The following TXLNG variants were observed in gnomAD, a reference collection of about 807,000 sequenced individuals.
TXLNG encodes taxilin gamma.
In TXLNG, 5 loss-of-function variants were observed where a neutral mutation model predicts 38.8. The ratio of observed to expected loss-of-function variants is 0.13; its 90% CI spans 0.07 to 0.27. TXLNG has a LOEUF of 0.27. Among genes scored for constraint, TXLNG ranks in the 10% least tolerant of loss-of-function variants. TXLNG has a pLI of 1.00. For synonymous variants in TXLNG, 182 were observed against 158.2 expected (o/e 1.15, Z -1.13); for missense variants, 393 against 398.2 (o/e 0.99, Z 0.11).
Position 16,808,789 on chromosome X carries a change from G to A in TXLNG, c.103-9785G>A, listed in dbSNP as rs529412076. Among the ~76,000 whole-genome samples, 18 of 111,313 alleles carry A rather than the reference G, an allele frequency of 1.6e-4. No homozygotes were observed. In the South Asian group the frequency reaches 6.8e-3, roughly 42 times the overall value. On this transcript the variant is annotated intron_variant, in intron 1 of 9. Transcript: ENST00000380122. ...TTATTCATCCGGTCTATTATTTATT[G>A]ATATTTAGGATATTTCTGAATTTTT...
Position 16,842,985 on chromosome X carries a change from A to ATAAC in TXLNG, c.*1221_*1224dup, listed in dbSNP as rs1393332688. 8.9e-6 allele frequency: 1 copy of ATAAC among 112,536 alleles called. No individual in the cohort carries two copies. The highest frequency in any genetic ancestry group is 3.2e-5 in the African/African-American group (1 of 30,975). 9.3% of individuals were successfully genotyped at this position (112,536 alleles called of 1,213,427 possible). On this transcript the variant is annotated 3_prime_UTR_variant, in exon 10 of 10. Coordinates refer to ENST00000380122, the MANE Select transcript of TXLNG (RefSeq NM_018360.3). ...TGGGGGAAAATTTGAAATTAAGCAC[A>ATAAC]TAACTTTTGAATTAGTTCTTTGTTT...
At chrX:16,809,312 A>G (rs1269754673) in intron 1 of TXLNG, among the ~76,000 whole-genome samples, 1 of 97,491 alleles carries the variant, frequency 1.0e-5, no homozygotes, top group Non-Finnish European at 2.1e-5. Flanking sequence ...GTGTTGTCGA[A>G]GTTTTTGATG....
In TXLNG at chrX:16,818,661, C is replaced by A. The variant is rs762362210; in HGVS notation, c.190C>A (p.Leu64Ile). ...MLCNSQSNDI[L>I]QHQGSNCGGT... ...GTGTAACTCTCAATCAAATGATATT[C>A]TTCAACATCAAGGCTCAAATTGTGG... Residue 64 changes from leucine (L) to isoleucine (I), a missense_variant, in exon 2 of 10, where the codon CTT becomes ATT. Physicochemically the swap from Leu to Ile is conservative, Grantham distance 5. Coordinates refer to ENST00000380122, the MANE Select transcript of TXLNG (RefSeq NM_018360.3). 2 of 1,211,660 alleles carry A rather than the reference C, an allele frequency of 1.7e-6. No individual in the cohort carries two copies. Among genetic ancestry groups the A allele is most frequent in the Non-Finnish European group, 2.2e-6 (2 of 895,343 alleles).
chrX:16,839,740 CAG>C (rs1262387368), intron 8 of TXLNG, 79 bp from the exon 9 acceptor site: 2 of 705,696 alleles, frequency 2.8e-6, no homozygotes, highest in Non-Finnish European at 4.2e-6. Flanking sequence ...GGGAGGGGCA[CAG>C]AAACATTTTT....
intron 9 of TXLNG, 77 bp downstream of exon 9, chrX:16,839,993 G>C (rs375173420): frequency 3.2e-5 from 25 of 784,362 alleles, no homozygotes; most frequent in East Asian, 2.7e-4. Flanking sequence ...TCGGGGCCGG[G>C]GACGTGTGCT....
chrX:16,809,816 C>T (rs950027539), intron 1 of TXLNG, among the ~76,000 whole-genome samples: 1 of 111,647 alleles, frequency 9.0e-6, no homozygotes, highest in Non-Finnish European at 1.9e-5. Context: ...ATATATAGTG[C>T]GTATACAAAA....
intron 7 of TXLNG, among the ~76,000 whole-genome samples, chrX:16,835,425 A>G (rs909485287): frequency 1.8e-5 from 2 of 111,938 alleles, no homozygotes; most frequent in Admixed American, 9.5e-5. Flanking sequence ...GGAACCGAAG[A>G]TCATGCCAGA....
At chrX:16,814,010 C>T (rs760379984) in intron 1 of TXLNG, among the ~76,000 whole-genome samples, 17 of 110,867 alleles carry the variant, frequency 1.5e-4, no homozygotes, top group African/African-American at 5.3e-4. Flanking sequence ...GGCGTGAACC[C>T]GGGAGATGGA....
chrX:16,839,975 G>T, intron 9 of TXLNG, 59 bp downstream of exon 9: 1 of 896,397 alleles, frequency 1.1e-6, no homozygotes, highest in Non-Finnish European at 1.6e-6. Context: ...CTTGAGTTCA[G>T]GTACCTATCG....
At chrX:16,822,994 G>T (rs1298956050) in intron 3 of TXLNG, among the ~76,000 whole-genome samples, 2 of 111,505 alleles carry the variant, frequency 1.8e-5, no homozygotes. Flanking sequence ...TTGTGGATAA[G>T]GTTATTGCTA....
At chrX:16,804,026 C>T (rs141764404) in intron 1 of TXLNG, among the ~76,000 whole-genome samples, 211 of 111,618 alleles carry the variant, frequency 1.9e-3, no homozygotes, top group African/African-American at 6.5e-3. Flanking sequence ...TAAATTAAGG[C>T]AGAGCCAAGA....
chrX:16,791,022 G>A (rs1394261275), intron 1 of TXLNG, among the ~76,000 whole-genome samples: 1 of 112,045 alleles, frequency 8.9e-6, no homozygotes, highest in Non-Finnish European at 1.9e-5. Context: ...CTGTAAAGAG[G>A]GGATAATGCT....
intron 1 of TXLNG, among the ~76,000 whole-genome samples, chrX:16,794,185 T>C (rs766370338): frequency 8.9e-6 from 1 of 111,998 alleles, no homozygotes. Context: ...CCATATTTCG[T>C]ATCTCTCATG....
At chrX:16,792,124 A>T (rs953459884) in intron 1 of TXLNG, among the ~76,000 whole-genome samples, 1 of 112,008 alleles carries the variant, frequency 8.9e-6, no homozygotes, top group Non-Finnish European at 1.9e-5. Flanking sequence ...TGTTTCATGC[A>T]CTGTGTTAGT....
chrX:16,817,807 T>A (rs1928799967), intron 1 of TXLNG, among the ~76,000 whole-genome samples: 1 of 112,462 alleles, frequency 8.9e-6, no homozygotes, highest in African/African-American at 3.2e-5. Flanking sequence ...AAAATTTCCA[T>A]GGCTTAGCAT....
Position 16,841,723 on chromosome X carries a change from C to T in TXLNG, c.1544C>T (p.Pro515Leu). 8.3e-7 allele frequency: 1 copy of T among 1,211,646 alleles called. No individual in the cohort carries two copies. Among genetic ancestry groups the T allele is most frequent in the Non-Finnish European group, 1.1e-6 (1 of 895,469 alleles). Residue 515 changes from proline to leucine, a missense_variant, in exon 10 of 10, where the codon CCC (proline) becomes CTC (leucine). By Grantham distance (98) the Pro-to-Leu change is moderately conservative (BLOSUM62 -3). Coordinates refer to ENST00000380122, the MANE Select transcript of TXLNG (RefSeq NM_018360.3). ...AGTCAGAGAAGCGCTGTGCAAAAGCCCCCGTCCACAGGCTCTGCTCCGGCC... is the reference window on the plus strand; with the variant it reads ...AGTCAGAGAAGCGCTGTGCAAAAGCTCCCGTCCACAGGCTCTGCTCCGGCC... Reference protein sequence around the residue: ...PKSQRSAVQKPPSTGSAPAIE... With the variant: ...PKSQRSAVQKLPSTGSAPAIE...
chrX:16,837,440 T>G, intron 7 of TXLNG, among the ~76,000 whole-genome samples, 153 bp from the exon 8 acceptor site: 1 of 112,487 alleles, frequency 8.9e-6, no homozygotes, highest in South Asian at 3.7e-4. Context: ...TGTCAGAACT[T>G]TAGCCATCTA....
intron 9 of TXLNG, chrX:16,840,467 A>G: frequency 1.3e-6 from 1 of 754,571 alleles, no homozygotes; most frequent in Non-Finnish European, 1.6e-6. Context: ...ACGCTGGGGC[A>G]CATGTGTACA....
At chrX:16,830,044 G>A (rs769409089) in intron 5 of TXLNG, among the ~76,000 whole-genome samples, 1 of 111,039 alleles carries the variant, frequency 9.0e-6, no homozygotes, top group Non-Finnish European at 1.9e-5. Context: ...TGCAATTTTC[G>A]CATGTAGATT....
Sources: allele counts gnomAD v4.1 joint callset (sites outside exome capture counted in the v4.1 genomes callset), GRCh38; gene constraint gnomAD v4.1.1; transcripts MANE v1.5; gene names NCBI Gene and HGNC (gene_info 2026-07-23, HGNC 2026-07-21).